FRS2: variants seen among roughly 807,000 people sequenced by gnomAD.
FRS2 encodes FGFR signalling adaptor.
Under a neutral mutation model 43.9 loss-of-function variants are expected in FRS2, and 8 were observed. The ratio of observed to expected loss-of-function variants is 0.18; its 90% CI spans 0.11 to 0.33. The LOEUF is 0.33. Ranked by LOEUF, FRS2 falls within the 10% of genes least tolerant of loss-of-function variation. The pLI is 1.00. For missense variants in FRS2, 534 were observed against 627.6 expected, an observed-to-expected ratio of 0.85 and a Z score of 1.59; for synonymous variants, 219 against 220.3, an observed-to-expected ratio of 0.99 and a Z score of 0.05.
intron 3 of FRS2, among the ~76,000 whole-genome samples, chr12:69,536,144 A>T: frequency 3.1e-5 from 1 of 31,796 alleles, no homozygotes; most frequent in Non-Finnish European, 5.8e-5. Context: ...TTTTTTTTGG[A>T]GACGAAGTCT....
intron 1 of FRS2, among the ~76,000 whole-genome samples, chr12:69,484,186 G>A (rs533614700): frequency 5.5e-4 from 84 of 151,804 alleles, no homozygotes; most frequent in Admixed American, 1.2e-3. Context: ...CCGGGTTCAC[G>A]CCATTCTCCT....
At chr12:69,552,624 G>C (rs889184603) in intron 3 of FRS2, among the ~76,000 whole-genome samples, 7 of 152,120 alleles carry the variant, frequency 4.6e-5, no homozygotes, top group African/African-American at 1.4e-4. Context: ...TTATTACAGA[G>C]TCCACAGGGA....
intron 1 of FRS2, among the ~76,000 whole-genome samples, chr12:69,514,132 A>T (rs1874744791): frequency 6.6e-6 from 1 of 152,160 alleles, no homozygotes; most frequent in Non-Finnish European, 1.5e-5. Context: ...TTGGTTAGTA[A>T]AAACCAAATC....
chr12:69,544,898 G>C (rs1878237869), intron 3 of FRS2, among the ~76,000 whole-genome samples: 1 of 152,042 alleles, frequency 6.6e-6, no homozygotes, highest in Non-Finnish European at 1.5e-5. Context: ...ATTCCATCCA[G>C]AGCAATTAGG....
chr12:69,578,779 A>T lies in FRS2; in HGVS notation c.*3824A>T, dbSNP rs1315695849. ...TCCTACGTAAAGGCATAAATATAGCAACTTTGTATAAAGGTAGCTTATTAG... is the reference window on the plus strand; with the variant it reads ...TCCTACGTAAAGGCATAAATATAGCTACTTTGTATAAAGGTAGCTTATTAG... On this transcript the variant is annotated 3_prime_UTR_variant, in exon 9 of 9. Coordinates refer to ENST00000549921, the MANE Select transcript of FRS2 (RefSeq NM_001278356.2). 1 of 152,664 alleles carries T rather than the reference A, an allele frequency of 6.6e-6. No individual in the cohort carries two copies. Among genetic ancestry groups the T allele is most frequent in the Non-Finnish European group, 1.5e-5 (1 of 68,046 alleles). 9.5% of individuals were successfully genotyped at this position (152,664 alleles called of 1,614,324 possible). A position where few individuals can be genotyped will look rare whatever the true frequency, so the allele number is the denominator to read the frequency against.
intron 1 of FRS2, chr12:69,480,274 AT>A (rs1871238804): frequency 6.6e-6 from 1 of 152,140 alleles, no homozygotes; most frequent in Admixed American, 6.6e-5. Flanking sequence ...TTAGACAGTA[AT>A]TCCTTATTTC....
chr12:69,521,210 T>C (rs1592981440), intron 1 of FRS2, among the ~76,000 whole-genome samples: 1 of 152,148 alleles, frequency 6.6e-6, no homozygotes, highest in Non-Finnish European at 1.5e-5. Context: ...AGCATGGCTG[T>C]TGTTGGTGTA....
At chr12:69,550,339 A>G (rs1230289187) in intron 3 of FRS2, among the ~76,000 whole-genome samples, 1 of 152,156 alleles carries the variant, frequency 6.6e-6, no homozygotes, top group Non-Finnish European at 1.5e-5. Context: ...CAGTCCTCAT[A>G]GTTATTGCAT....
rs1241566251 is a variant in FRS2, at chr12:69,572,163, A to G, written c.458A>G (p.Tyr153Cys). The G allele has an allele frequency of 6.2e-7, 1 of 1,613,826 alleles. No homozygotes were observed. Among genetic ancestry groups the G allele is most frequent in the East Asian group, 2.2e-5 (1 of 44,874 alleles). ...AQNLPNGYPR[Y>C]PSFGDASSHP... ...AACTTACCTAATGGATATCCCCGATATCCCTCATTTGGAGATGCTTCATCC... is the reference window on the plus strand; with the variant it reads ...AACTTACCTAATGGATATCCCCGATGTCCCTCATTTGGAGATGCTTCATCC... The change falls in exon 8 of 9, where the codon TAT becomes TGT. Residue 153 changes from tyrosine to cysteine, a missense_variant. Coordinates refer to ENST00000549921, the MANE Select transcript of FRS2 (RefSeq NM_001278356.2).
intron 1 of FRS2, among the ~76,000 whole-genome samples, chr12:69,490,467 C>T (rs1394675484): frequency 6.7e-6 from 1 of 148,742 alleles, no homozygotes. Flanking sequence ...AACTTTTGCC[C>T]AAGTTTTTGT....
chr12:69,579,715 A>G lies in FRS2; in HGVS notation c.*4760A>G, dbSNP rs1881429471. Reference sequence around the variant, plus strand: ...ATAAAGTCTGATTGGAGTTCTTTTCATGCTCACTTTCCCCTTATTGCTGAA... The same window carrying G: ...ATAAAGTCTGATTGGAGTTCTTTTCGTGCTCACTTTCCCCTTATTGCTGAA... On this transcript the variant is annotated 3_prime_UTR_variant, in exon 9 of 9. Coordinates refer to ENST00000549921, the MANE Select transcript of FRS2 (RefSeq NM_001278356.2). 1 of 152,244 alleles carries G rather than the reference A, an allele frequency of 6.6e-6. No homozygotes were observed. Among genetic ancestry groups the G allele is most frequent in the Non-Finnish European group, 1.5e-5 (1 of 68,044 alleles). The allele number at this position is 152,244 out of a possible 1,614,324, so 9.4% of individuals were successfully genotyped here.
chr12:69,544,841 G>A (rs959073523), intron 3 of FRS2, among the ~76,000 whole-genome samples: 1 of 152,080 alleles, frequency 6.6e-6, no homozygotes, highest in African/African-American at 2.4e-5. Flanking sequence ...TCAGGAACAA[G>A]GCAAGAATTC....
chr12:69,526,612 A>T (rs1238424777), intron 1 of FRS2, among the ~76,000 whole-genome samples: 1 of 152,260 alleles, frequency 6.6e-6, no homozygotes, highest in Non-Finnish European at 1.5e-5. Context: ...AATAGAACTA[A>T]TAATTTCATT....
chr12:69,524,906 G>A (rs1033975269), intron 1 of FRS2, among the ~76,000 whole-genome samples: 4 of 152,170 alleles, frequency 2.6e-5, no homozygotes, highest in African/African-American at 9.7e-5. Context: ...CACCCCTTCT[G>A]CAGGAATCAC....
At chr12:69,559,375 AT>A (rs1354388956) in intron 3 of FRS2, among the ~76,000 whole-genome samples, 5 of 152,078 alleles carry the variant, frequency 3.3e-5, no homozygotes, top group Admixed American at 6.6e-5. Context: ...AATGTAATTG[AT>A]TTTTTTCAAG....
intron 3 of FRS2, among the ~76,000 whole-genome samples, chr12:69,557,274 A>C (rs1879436908): frequency 6.6e-6 from 1 of 152,236 alleles, no homozygotes; most frequent in African/African-American, 2.4e-5. Context: ...ACTGAGCTAA[A>C]GAATAAAAAC....
intron 3 of FRS2, among the ~76,000 whole-genome samples, chr12:69,553,717 C>T (rs1342217969): frequency 4.6e-5 from 7 of 152,190 alleles, no homozygotes; most frequent in Admixed American, 2.0e-4. Context: ...ACCAGGGTGC[C>T]ATTTTTAGGC....
intron 1 of FRS2, among the ~76,000 whole-genome samples, chr12:69,529,797 C>T (rs1471466127): frequency 2.0e-5 from 3 of 152,038 alleles, no homozygotes; most frequent in South Asian, 2.1e-4. Flanking sequence ...TGGCAGCTCA[C>T]GCCTGTAATT....
chr12:69,492,893 T>G (rs1872594250), intron 1 of FRS2, among the ~76,000 whole-genome samples: 1 of 152,240 alleles, frequency 6.6e-6, no homozygotes, highest in African/African-American at 2.4e-5. Context: ...TCAGTCTGTT[T>G]ATGAGCATCA....
Sources: allele counts gnomAD v4.1 joint callset (sites outside exome capture counted in the v4.1 genomes callset), GRCh38; gene constraint gnomAD v4.1.1; transcripts MANE v1.5; gene names NCBI Gene and HGNC (gene_info 2026-07-23, HGNC 2026-07-21).